DNHD1: variants seen among roughly 807,000 people sequenced by gnomAD.
DNHD1 encodes the protein dynein heavy chain domain 1.
Under a neutral mutation model 458.1 loss-of-function variants are expected in DNHD1, and 383 were observed. The observed-to-expected ratio is 0.84, with a 90% CI of 0.77 to 0.91. The LOEUF is 0.91. DNHD1 is among the 40% of genes least tolerant of loss of function. The pLI is 0.00. For missense variants in DNHD1, 5,336 were observed against 5,866.1 expected, an observed-to-expected ratio of 0.91 and a Z score of 2.95; for synonymous variants, 2,203 against 2,376.9, an observed-to-expected ratio of 0.93 and a Z score of 2.13.
In DNHD1 at chr11:6,505,648, C is replaced by T. The variant is rs1278490783; in HGVS notation, c.920+2722C>T. Among the ~76,000 whole-genome samples the T allele has an allele frequency of 2.0e-5, 3 of 152,170 alleles. No homozygotes were observed. The highest frequency in any genetic ancestry group is 4.4e-5 in the Non-Finnish European group (3 of 68,024). ...TTTACTGACTGGACCCTGACTAACA[C>T]GGTACTTGGTATTATGAGTGGTCCC... is the stretch of plus-strand genomic sequence containing the variant. On this transcript the variant is annotated intron_variant, in intron 4 of 42. Coordinates refer to ENST00000254579, the MANE Select transcript of DNHD1 (RefSeq NM_144666.3). This position sits in a 1 kb window ranked among gnomAD's most constrained non-coding sequence, Gnocchi z 4.4.
chr11:6,541,713 G>C (rs553695523), intron 18 of DNHD1, among the ~76,000 whole-genome samples: 5 of 152,214 alleles, frequency 3.3e-5, no homozygotes, highest in Non-Finnish European at 5.9e-5. Flanking sequence ...TTTGTGGGTA[G>C]TAACATAATT....
chr11:6,501,171 G>A (rs1174460030), intron 3 of DNHD1, among the ~76,000 whole-genome samples: 1 of 152,116 alleles, frequency 6.6e-6, no homozygotes, highest in Non-Finnish European at 1.5e-5. Context: ...GCTAGATTGT[G>A]GTGCATTGAG....
rs183495445 is a variant in DNHD1 at position 6,570,570 on chromosome 11, G to T, written c.13106-48G>T. 7.8e-6 allele frequency: 12 copies of T among 1,529,406 alleles called. No homozygotes were observed. In the East Asian group the frequency reaches 2.4e-4, roughly 30 times the overall value. 94.7% of individuals were successfully genotyped at this position (1,529,406 alleles called of 1,614,324 possible). Reference sequence around the variant, plus strand: ...GGAAGGCCTACTCTCTCGAGTCTAGGGTGGGGAGAGTCCATCTTGTCCCTC... The same window carrying T: ...GGAAGGCCTACTCTCTCGAGTCTAGTGTGGGGAGAGTCCATCTTGTCCCTC... On this transcript the variant is annotated intron_variant, in intron 41 of 42. Transcript: ENST00000254579.
rs1589896980 is a variant in DNHD1 at position 6,565,547 on chromosome 11, A to T, written c.10757-148A>T. On this transcript the variant is annotated intron_variant, in intron 32 of 42. Coordinates refer to ENST00000254579, the MANE Select transcript of DNHD1 (RefSeq NM_144666.3). ...ATATCAACCCCATTTTGCAGATAAG[A>T]AAATTGAGTCATAGAGAGCTTAAGC... 7 of 806,460 alleles carry T rather than the reference A, an allele frequency of 8.7e-6. No homozygotes were observed. In the East Asian group the frequency reaches 1.9e-4, roughly 22 times the overall value. The allele number at this position is 806,460 out of a possible 1,614,324, so 50.0% of individuals were successfully genotyped here.
intron 41 of DNHD1, 36 bp from the exon 42 acceptor site, chr11:6,570,582 C>T (rs1259849600): frequency 1.3e-6 from 2 of 1,542,990 alleles, no homozygotes; most frequent in Non-Finnish European, 1.8e-6. Context: ...TGGGGAGAGT[C>T]CATCTTGTCC....
chr11:6,550,188 T>G (rs892740679), intron 24 of DNHD1, among the ~76,000 whole-genome samples: 5 of 152,226 alleles, frequency 3.3e-5, no homozygotes, highest in Admixed American at 1.3e-4. Flanking sequence ...TTTGCAATTA[T>G]TTTAAAGATG....
At chr11:6,552,833 T>G (rs1259631286) in intron 24 of DNHD1, among the ~76,000 whole-genome samples, 1 of 152,018 alleles carries the variant, frequency 6.6e-6, no homozygotes, top group Non-Finnish European at 1.5e-5. Flanking sequence ...CCAAACCATA[T>G]CACATGCCTT....
At chr11:6,559,741 G>C (rs80063274) in intron 28 of DNHD1, among the ~76,000 whole-genome samples, 289 of 152,322 alleles carry the variant, frequency 1.9e-3, no homozygotes, top group African/African-American at 6.7e-3. Context: ...GGTGATGGCA[G>C]CAGGGAGAAA....
Position 6,557,114 on chromosome 11 carries a change from A to C in DNHD1, c.7819A>C (p.Arg2607=). The C allele has an allele frequency of 6.4e-7, 1 of 1,551,736 alleles. No homozygotes were observed. Among genetic ancestry groups the C allele is most frequent in the African/African-American group, 1.4e-5 (1 of 73,170 alleles). ...LLSSLQLLPN[R]TGSRGFVDYP... ...GAGCAGCCTGCAGCTGCTGCCCAAC[A>C]GAACAGGCTCCCGAGGTTTTGTGGA... Residue 2607 remains arginine (R), a synonymous_variant, in exon 25 of 43, where the codon AGA becomes CGA. Coordinates refer to ENST00000254579, the MANE Select transcript of DNHD1 (RefSeq NM_144666.3).
rs1444672550 is a variant in DNHD1, at chr11:6,534,109, G to A, written c.2934G>A (p.Glu978=). 6.4e-7 allele frequency: 1 copy of A among 1,551,426 alleles called. No homozygotes were observed. The highest frequency in any genetic ancestry group is 1.2e-5 in the South Asian group (1 of 84,034). ...RSTEHQLVSL[E]RQFQNTVSDL... is the part of the protein sequence containing the mutation. ...CTGAGCACCAGCTCGTCTCCCTAGA[G>A]CGTCAGTTCCAGAACACAGTCAGCG... Residue 978 remains glutamate (E), a synonymous_variant, in exon 14 of 43, where the codon GAG becomes GAA. Coordinates refer to ENST00000254579, the MANE Select transcript of DNHD1 (RefSeq NM_144666.3).
At chr11:6,566,538 C>T in intron 34 of DNHD1, 49 bp from the exon 35 acceptor site, 1 of 1,599,326 alleles carries the variant, frequency 6.3e-7, no homozygotes, top group Non-Finnish European at 8.5e-7. Context: ...ACTCTACCCC[C>T]TGGCTCTGCC....
At chr11:6,523,393 G>A (rs1852642285) in intron 10 of DNHD1, among the ~76,000 whole-genome samples, 1 of 152,002 alleles carries the variant, frequency 6.6e-6, no homozygotes, top group Non-Finnish European at 1.5e-5. Flanking sequence ...AGATGAGAGA[G>A]AAGGAAAGAT....
In DNHD1 at chr11:6,562,973, T is replaced by C. The variant is rs1853615267; in HGVS notation, c.9520-9T>C. The C allele has an allele frequency of 6.4e-7, 1 of 1,551,136 alleles. No individual in the cohort carries two copies. On this transcript the variant is annotated splice_polypyrimidine_tract_variant and intron_variant, in intron 28 of 42. Transcript: ENST00000254579. ...TCTGGAGCTGCAGGGCCTGGATCTG[T>C]CTCTGCAGAGTCTCAGCATGTTTCA...
At position 6,502,749 on chromosome 11, in the gene DNHD1, A is replaced by G. The variant is rs780778084; in HGVS notation, c.747-4A>G. The stretch of plus-strand genomic sequence containing the variant: ...CTTTTCTCTCCTGATTTTCTGTCAC[A>G]CAGGTCTCAGCTTGACTATGAAGTT... On this transcript the variant is annotated splice_polypyrimidine_tract_variant and splice_region_variant and intron_variant, in intron 3 of 42. Coordinates refer to ENST00000254579, the MANE Select transcript of DNHD1 (RefSeq NM_144666.3). 2 of 1,572,256 alleles carry G rather than the reference A, an allele frequency of 1.3e-6. No individual in the cohort carries two copies. Among genetic ancestry groups the G allele is most frequent in the South Asian group, 2.3e-5 (2 of 85,292 alleles).
chr11:6,528,404 GGTGTGTGTGTGTGTGTGTGT>G, intron 10 of DNHD1, 98 bp from the exon 11 acceptor site: 7 of 880,198 alleles, frequency 8.0e-6, no homozygotes, highest in Non-Finnish European at 1.0e-5. Context: ...GCAGCGAATG[GGTGTGTGTGTGTGTGTGTGT>G]GTGTGTGTGT....
intron 10 of DNHD1, among the ~76,000 whole-genome samples, chr11:6,522,315 C>G (rs538982449): frequency 1.3e-5 from 2 of 151,950 alleles, no homozygotes; most frequent in Non-Finnish European, 2.9e-5. Context: ...TTGATAGTTT[C>G]TTTTGCTGTG....
At chr11:6,501,098 A>G (rs1852124828) in intron 3 of DNHD1, among the ~76,000 whole-genome samples, 1 of 152,184 alleles carries the variant, frequency 6.6e-6, no homozygotes, top group African/African-American at 2.4e-5. Flanking sequence ...GAGACAAGTA[A>G]GAAGAATGAA....
At chr11:6,525,972 CT>C (rs1565002560) in intron 10 of DNHD1, among the ~76,000 whole-genome samples, 1 of 151,610 alleles carries the variant, frequency 6.6e-6, no homozygotes, top group South Asian at 2.1e-4. Context: ...GGCTTTATAT[CT>C]TTTTTTAAAT....
At chr11:6,509,870 G>A (rs929710118) in intron 6 of DNHD1, among the ~76,000 whole-genome samples, 1 of 152,266 alleles carries the variant, frequency 6.6e-6, no homozygotes, top group Non-Finnish European at 1.5e-5. Context: ...AGTGGTTTAG[G>A]TGGAAGACAT....
Sources: gnomAD v4.1 joint callset for allele counts (sites outside exome capture counted in the v4.1 genomes callset) on GRCh38, gnomAD v4.1.1 for gene constraint, Gnocchi (gnomAD v3.1) non-coding constraint, MANE v1.5 for transcripts, NCBI Gene and HGNC (gene_info 2026-07-23, HGNC 2026-07-21) for gene names.